MED13L: variants seen among roughly 807,000 people sequenced by gnomAD.
MED13L encodes the protein mediator of RNA polymerase II transcription subunit 13-like.
In MED13L, 7 loss-of-function variants were observed where a neutral mutation model predicts 220.9. The observed-to-expected ratio is 0.03, with a 90% CI of 0.02 to 0.06. MED13L has a LOEUF of 0.06. Ranked by LOEUF, MED13L falls within the 10% of genes least tolerant of loss-of-function variation. The pLI is 1.00. For missense variants in MED13L, 1,965 were observed against 2,760.5 expected (o/e 0.71, Z 6.46); for synonymous variants, 1,011 against 1,015.2 (o/e 1.00, Z 0.08).
At chr12:116,021,625 A>G (rs1880064801) in intron 5 of MED13L, among the ~76,000 whole-genome samples, 1 of 152,218 alleles carries the variant, frequency 6.6e-6, no homozygotes, top group Admixed American at 6.5e-5. Context: ...CAATTATAAT[A>G]TTTTAGTCAA....
chr12:116,073,735 T>C (rs1359689761), intron 4 of MED13L, among the ~76,000 whole-genome samples: 1 of 152,192 alleles, frequency 6.6e-6, no homozygotes, highest in South Asian at 2.1e-4. Flanking sequence ...CATATGTCAG[T>C]AACTAAATTT....
chr12:115,984,856 AT>A (rs1877577530), intron 19 of MED13L, among the ~76,000 whole-genome samples: 1 of 151,996 alleles, frequency 6.6e-6, no homozygotes, highest in African/African-American at 2.4e-5. Flanking sequence ...AGCAGTGAGT[AT>A]GCTGATCGCC....
At chr12:116,244,540 A>C (rs193083789) in intron 1 of MED13L, among the ~76,000 whole-genome samples, 1 of 152,358 alleles carries the variant, frequency 6.6e-6, no homozygotes, top group African/African-American at 2.4e-5. Flanking sequence ...GAAGAAAGAG[A>C]TACAACCCAA....
At position 116,230,803 on chromosome 12, in the gene MED13L, C is replaced by T. The variant is rs77222110; in HGVS notation, c.310+6665G>A. On this transcript the variant is annotated intron_variant, in intron 2 of 30. Transcript: ENST00000281928. Reference sequence around the variant, plus strand: ...CTGATAATAAATTCATGTATAATACCGATGAAATTATTTTTACCATTTAGT... The same window carrying T: ...CTGATAATAAATTCATGTATAATACTGATGAAATTATTTTTACCATTTAGT... Among the ~76,000 whole-genome samples the T allele has an allele frequency of 1.4e-3, 208 of 151,954 alleles. 1 individual carries two copies. Among genetic ancestry groups the T allele is most frequent in the African/African-American group, 4.7e-3 (196 of 41,444 alleles).
intron 25 of MED13L, among the ~76,000 whole-genome samples, chr12:115,973,397 C>T (rs533068758): frequency 2.0e-5 from 3 of 152,320 alleles, no homozygotes; most frequent in South Asian, 2.1e-4. Flanking sequence ...TTCCTGTACA[C>T]TAGGTTCTTC....
At chr12:116,095,076 C>T (rs939819339) in intron 4 of MED13L, among the ~76,000 whole-genome samples, 2 of 152,180 alleles carry the variant, frequency 1.3e-5, no homozygotes, top group African/African-American at 2.4e-5. Flanking sequence ...GTGGGAGGAT[C>T]GCTTGAACCC....
intron 26 of MED13L, among the ~76,000 whole-genome samples, chr12:115,971,765 T>C (rs1876601083): frequency 6.6e-6 from 1 of 152,226 alleles, no homozygotes; most frequent in Non-Finnish European, 1.5e-5. Context: ...TCTACTTTCA[T>C]AGTTCTTTGG....
chr12:116,179,916 C>T (rs1332473057), intron 2 of MED13L, among the ~76,000 whole-genome samples: 2 of 152,104 alleles, frequency 1.3e-5, no homozygotes, highest in African/African-American at 4.8e-5. Flanking sequence ...GTGTAAGTAA[C>T]TACCTGAAAG....
At chr12:116,021,199 C>T (rs1880042048) in intron 5 of MED13L, among the ~76,000 whole-genome samples, 1 of 152,154 alleles carries the variant, frequency 6.6e-6, no homozygotes, top group South Asian at 2.1e-4. Flanking sequence ...TGACTTCCAT[C>T]AGTGACAAAA....
Position 116,150,766 on chromosome 12 carries a change from G to A in MED13L, c.311-39254C>T, listed in dbSNP as rs191163283. Among the ~76,000 whole-genome samples the A allele has an allele frequency of 1.6e-3, 237 of 152,246 alleles. 2 individuals carry two copies. Among genetic ancestry groups the A allele is most frequent in the Non-Finnish European group, 2.1e-3 (143 of 68,022 alleles). On this transcript the variant is annotated intron_variant, in intron 2 of 30. Transcript: ENST00000281928. ...TTATTTATGGACAACCTAGAATTAC[G>A]GAAAGATACAAGCTTTGAAAGTAGT...
intron 2 of MED13L, among the ~76,000 whole-genome samples, chr12:116,203,632 C>T (rs1882139711): frequency 6.6e-6 from 1 of 151,938 alleles, no homozygotes; most frequent in Non-Finnish European, 1.5e-5. Flanking sequence ...CCAGCCTGGC[C>T]AACATGGCGA....
intron 4 of MED13L, among the ~76,000 whole-genome samples, chr12:116,031,636 G>GGGGA (rs1295052285): frequency 8.1e-6 from 1 of 123,778 alleles, no homozygotes; most frequent in Non-Finnish European, 1.7e-5. Context: ...GGGGAGGGGA[G>GGGGA]GGGAGGGGGG....
chr12:115,981,506 A>C (rs1171509728), intron 22 of MED13L, among the ~76,000 whole-genome samples: 1 of 152,212 alleles, frequency 6.6e-6, no homozygotes, highest in Non-Finnish European at 1.5e-5. Context: ...TTACACTATA[A>C]AGCTGTCAAA....
chr12:115,978,438 C>T (rs553746299), intron 23 of MED13L, among the ~76,000 whole-genome samples: 55 of 151,586 alleles, frequency 3.6e-4, no homozygotes, highest in South Asian at 2.1e-3. Flanking sequence ...GCAATTCTCC[C>T]GCCTCAGCTT....
At chr12:116,253,758 T>G (rs996403053) in intron 1 of MED13L, among the ~76,000 whole-genome samples, 9 of 135,670 alleles carry the variant, frequency 6.6e-5, no homozygotes, top group South Asian at 2.6e-4. Context: ...TTTTTGTTTT[T>G]TTTTTTTTTT....
intron 2 of MED13L, among the ~76,000 whole-genome samples, chr12:116,134,917 C>G (rs575660198): frequency 6.6e-6 from 1 of 152,244 alleles, no homozygotes; most frequent in South Asian, 2.1e-4. Context: ...CACCTGTAAC[C>G]CCAGCACTTT....
intron 16 of MED13L, among the ~76,000 whole-genome samples, chr12:115,993,012 AAC>A (rs1195443831): frequency 2.6e-5 from 4 of 151,674 alleles, no homozygotes; most frequent in African/African-American, 9.8e-5. Context: ...AAAAAAAAAC[AAC>A]AGTTAAAAAA....
In MED13L at chr12:116,005,992, A is replaced by T; in HGVS notation, c.2346T>A (p.Asp782Glu). 1 of 1,613,956 alleles carries T rather than the reference A, an allele frequency of 6.2e-7. No individual in the cohort carries two copies. The highest frequency in any genetic ancestry group is 8.5e-7 in the Non-Finnish European group (1 of 1,179,878). ...MSIFSSATKT[D>E]VRQDNAAGRA... The stretch of plus-strand genomic sequence containing the variant: ...TGCCAGCAGCATTATCCTGCCGGAC[A>T]TCTGTAGGAAAGGAGGCAAAAGACA... Residue 782 changes from aspartate (D) to glutamate (E), a missense_variant and splice_region_variant, in exon 13 of 31, where the codon GAT becomes GAA. By Grantham distance (45) the Asp-to-Glu change is conservative (BLOSUM62 2). Coordinates refer to ENST00000281928, the MANE Select transcript of MED13L (RefSeq NM_015335.5).
chr12:116,056,188 A>C (rs1181268256), intron 4 of MED13L, among the ~76,000 whole-genome samples: 1 of 152,204 alleles, frequency 6.6e-6, no homozygotes, highest in Admixed American at 6.5e-5. Context: ...AAGAGTGTAC[A>C]ATCTGGCTTT....
Sources: gnomAD v4.1 joint callset for allele counts (sites outside exome capture counted in the v4.1 genomes callset) on GRCh38, gnomAD v4.1.1 for gene constraint, MANE v1.5 for transcripts, NCBI Gene and HGNC (gene_info 2026-07-23, HGNC 2026-07-21) for gene names.